GNAT3: variants seen among roughly 807,000 people sequenced by gnomAD.
The protein encoded by GNAT3 is guanine nucleotide-binding protein G(t) subunit alpha-3.
GNAT3 carries 31 observed loss-of-function variants against 37.7 expected under a neutral mutation model. That is an observed-to-expected ratio of 0.82 (90% confidence interval 0.62 to 1.11). GNAT3 has a LOEUF of 1.11. GNAT3 is among the 50% of genes most tolerant of loss of function. The pLI is 0.00. For missense variants in GNAT3, 437 were observed against 412.5 expected, an observed-to-expected ratio of 1.06 and a Z score of -0.51; for synonymous variants, 138 against 139.8, an observed-to-expected ratio of 0.99 and a Z score of 0.09.
intron 1 of GNAT3, among the ~76,000 whole-genome samples, chr7:80,498,744 T>C (rs1031838275): frequency 2.0e-5 from 3 of 152,116 alleles, no homozygotes; most frequent in African/African-American, 2.4e-5. Flanking sequence ...TCGCTAATAT[T>C]AGTTTCTGGG....
chr7:80,504,736 C>T (rs1790900917), intron 1 of GNAT3, among the ~76,000 whole-genome samples: 2 of 152,134 alleles, frequency 1.3e-5, no homozygotes, highest in African/African-American at 2.4e-5. Context: ...AAATGGAATA[C>T]TGCTTCTTTA....
In GNAT3 at chr7:80,511,830, T is replaced by G. The variant is rs1246491968; in HGVS notation, c.97A>C (p.Thr33Pro). 2 of 1,610,642 alleles carry G rather than the reference T, an allele frequency of 1.2e-6. No individual in the cohort carries two copies. Among genetic ancestry groups the G allele is most frequent in the Non-Finnish European group, 1.7e-6 (2 of 1,177,736 alleles). Reference protein sequence around the residue: ...LQEDAERDARTVKLLLLGAGE... With the variant: ...LQEDAERDARPVKLLLLGAGE... ...TTACCTAATAGTAGCAGCTTTACGG[T>G]TCTTGCATCTCGCTCAGCATCCTCC... Residue 33 changes from threonine (T) to proline (P), a missense_variant, in exon 1 of 8, where the codon ACC (threonine) becomes CCC (proline). Transcript: ENST00000398291.
chr7:80,505,963 G>T (rs1584200365), intron 1 of GNAT3, among the ~76,000 whole-genome samples: 1 of 152,132 alleles, frequency 6.6e-6, no homozygotes, highest in South Asian at 2.1e-4. Context: ...TAATAAGTAG[G>T]GAATGGATTC....
At chr7:80,487,481 G>A (rs1397379206) in intron 3 of GNAT3, among the ~76,000 whole-genome samples, 1 of 152,030 alleles carries the variant, frequency 6.6e-6, no homozygotes, top group Admixed American at 6.6e-5. Flanking sequence ...CAGGAAAAAG[G>A]GGGATTTCCC....
At chr7:80,466,966 A>G (rs1392159403) in intron 5 of GNAT3, among the ~76,000 whole-genome samples, 1 of 152,194 alleles carries the variant, frequency 6.6e-6, no homozygotes, top group Non-Finnish European at 1.5e-5. Context: ...TGAAAAATAA[A>G]TTCTAATCCA....
intron 3 of GNAT3, among the ~76,000 whole-genome samples, chr7:80,480,853 C>T (rs867210728): frequency 2.0e-5 from 3 of 152,062 alleles, no homozygotes; most frequent in East Asian, 2.0e-4. Context: ...CATCTTGTGC[C>T]GACCTCCTTA....
intron 1 of GNAT3, among the ~76,000 whole-genome samples, chr7:80,502,513 C>T (rs1470377251): frequency 6.6e-6 from 1 of 151,998 alleles, no homozygotes; most frequent in Non-Finnish European, 1.5e-5. Context: ...AGTATAAATA[C>T]ATATTGCAAC....
chr7:80,460,472 G>T (rs1186643638), intron 7 of GNAT3, among the ~76,000 whole-genome samples: 3 of 152,168 alleles, frequency 2.0e-5, no homozygotes, highest in African/African-American at 7.2e-5. Flanking sequence ...GATGGACTTG[G>T]CCGGGGACGG....
chr7:80,466,523 A>G (rs1790132749), intron 5 of GNAT3, among the ~76,000 whole-genome samples: 1 of 152,056 alleles, frequency 6.6e-6, no homozygotes, highest in Non-Finnish European at 1.5e-5. Context: ...TATTTCTCTC[A>G]TGCTAATAGT....
At chr7:80,462,723 C>A in intron 5 of GNAT3, 92 bp from the exon 6 acceptor site, 1 of 898,834 alleles carries the variant, frequency 1.1e-6, no homozygotes, top group South Asian at 2.0e-5. Flanking sequence ...ATGGGTGATC[C>A]CCTATCTTCA....
intron 3 of GNAT3, among the ~76,000 whole-genome samples, chr7:80,484,809 C>T (rs1388044683): frequency 6.6e-6 from 1 of 152,002 alleles, no homozygotes; most frequent in Non-Finnish European, 1.5e-5. Flanking sequence ...CCCGATTTAG[C>T]TGCTTCCCCT....
chr7:80,491,758 T>C (rs369602860), intron 2 of GNAT3, among the ~76,000 whole-genome samples: 6 of 152,060 alleles, frequency 3.9e-5, no homozygotes, highest in African/African-American at 1.4e-4. Flanking sequence ...GAGGCAAAAG[T>C]GTGATGAAAA....
chr7:80,503,576 A>C (rs1274431688), intron 1 of GNAT3, among the ~76,000 whole-genome samples: 1 of 152,222 alleles, frequency 6.6e-6, no homozygotes, highest in African/African-American at 2.4e-5. Context: ...GATAGAGCTA[A>C]AACTAAATCT....
In GNAT3 at chr7:80,488,252, G is replaced by A. The variant is rs151070466; in HGVS notation, c.303+283C>T. Among the ~76,000 whole-genome samples, 128 of 152,094 alleles carry A rather than the reference G, an allele frequency of 8.4e-4. 2 individuals carry two copies. Among genetic ancestry groups the A allele is most frequent in the Admixed American group, 6.4e-3 (97 of 15,240 alleles). On this transcript the variant is annotated intron_variant, in intron 3 of 7. Coordinates refer to ENST00000398291, the MANE Select transcript of GNAT3 (RefSeq NM_001102386.3). Reference sequence around the variant, plus strand: ...TATGCCATAAATTCTTTTGTATTTAGCAATCACAAGCAATATTTTTATTTG... The same window carrying A: ...TATGCCATAAATTCTTTTGTATTTAACAATCACAAGCAATATTTTTATTTG...
intron 5 of GNAT3, among the ~76,000 whole-genome samples, chr7:80,472,140 T>A (rs1389444398): frequency 1.3e-5 from 2 of 152,136 alleles, no homozygotes; most frequent in East Asian, 1.9e-4. Flanking sequence ...TAATTTTTTT[T>A]AAAAGGAAAG....
chr7:80,482,613 AAGCGATTCTCCTGCCTC>A (rs1467534663), intron 3 of GNAT3, among the ~76,000 whole-genome samples: 1 of 151,146 alleles, frequency 6.6e-6, no homozygotes, highest in Non-Finnish European at 1.5e-5. Context: ...TCCCACTTTC[AAGCGATTCTCCTGCCTC>A]AGCCTCCCAA....
intron 5 of GNAT3, among the ~76,000 whole-genome samples, chr7:80,468,646 C>T (rs1463684239): frequency 2.0e-5 from 3 of 152,158 alleles, no homozygotes; most frequent in Admixed American, 2.0e-4. Flanking sequence ...ACCAATCTTT[C>T]CCTTGTTTCT....
intron 1 of GNAT3, among the ~76,000 whole-genome samples, chr7:80,504,359 G>A (rs901051435): frequency 6.6e-6 from 1 of 152,006 alleles, no homozygotes; most frequent in Non-Finnish European, 1.5e-5. Context: ...TTGTGAATTG[G>A]CCATTATCTG....
chr7:80,489,277 C>T (rs999723497), intron 2 of GNAT3, among the ~76,000 whole-genome samples: 1 of 152,130 alleles, frequency 6.6e-6, no homozygotes, highest in African/African-American at 2.4e-5. Context: ...TCTCTACCTT[C>T]CACTCATTCA....
Sources: gnomAD v4.1 joint callset for allele counts (sites outside exome capture counted in the v4.1 genomes callset) on GRCh38, gnomAD v4.1.1 for gene constraint, MANE v1.5 for transcripts, NCBI Gene and HGNC (gene_info 2026-07-23, HGNC 2026-07-21) for gene names.